The following ZBTB20 variants were observed in gnomAD, a reference collection of about 807,000 sequenced individuals.
ZBTB20 encodes the protein zinc finger and BTB domain-containing protein 20.
In ZBTB20, 9 loss-of-function variants were observed where a neutral mutation model predicts 56.9. That is an observed-to-expected ratio of 0.16 (90% confidence interval 0.10 to 0.28). The LOEUF (loss-of-function observed/expected upper bound fraction) is 0.28, where lower values mean the gene tolerates loss of function less well. Among genes scored for constraint, ZBTB20 ranks in the 10% least tolerant of loss-of-function variants. The pLI is 1.00. For synonymous variants in ZBTB20, 417 were observed against 420.7 expected (o/e 0.99, Z 0.11); for missense variants, 655 against 1,003.0 (o/e 0.65, Z 4.69).
chr3:114,343,731 CG>C (rs1435794059), intron 11 of ZBTB20, among the ~76,000 whole-genome samples: 6 of 152,186 alleles, frequency 3.9e-5, no homozygotes, highest in Non-Finnish European at 7.3e-5. Context: ...GTCTAGTCTC[CG>C]TCAAGAGACG....
At chr3:115,002,218 T>C (rs2079280697) in intron 2 of ZBTB20, among the ~76,000 whole-genome samples, 1 of 151,450 alleles carries the variant, frequency 6.6e-6, no homozygotes, top group Non-Finnish European at 1.5e-5. Flanking sequence ...ATTCACAAAA[T>C]TTAACTCAAA....
At chr3:115,044,307 A>AAAAAC (rs1453041376) in intron 2 of ZBTB20, among the ~76,000 whole-genome samples, 2 of 152,210 alleles carry the variant, frequency 1.3e-5, no homozygotes, top group African/African-American at 2.4e-5. Context: ...TTGCAGCGAG[A>AAAAAC]AAAACAAAAC....
intron 7 of ZBTB20, chr3:114,445,426 C>T (rs1576794157): frequency 6.6e-6 from 1 of 152,158 alleles, no homozygotes; most frequent in African/African-American, 2.4e-5. Flanking sequence ...CCACTGAGTT[C>T]ACTCTTACTG....
At chr3:114,747,342 G>A (rs1476261228) in intron 5 of ZBTB20, among the ~76,000 whole-genome samples, 2 of 152,136 alleles carry the variant, frequency 1.3e-5, no homozygotes, top group Admixed American at 1.3e-4. Context: ...GAGGCAGGCA[G>A]ATCACCTAAG....
intron 6 of ZBTB20, among the ~76,000 whole-genome samples, chr3:114,532,040 T>G (rs1222501980): frequency 6.6e-6 from 1 of 151,998 alleles, no homozygotes; most frequent in African/African-American, 2.4e-5. Flanking sequence ...GGCCCTGGGT[T>G]TCAAGACAAA....
intron 5 of ZBTB20, among the ~76,000 whole-genome samples, chr3:114,727,671 C>G (rs1225877050): frequency 1.3e-5 from 2 of 151,662 alleles, no homozygotes; most frequent in South Asian, 4.2e-4. Flanking sequence ...TGATGGCAGA[C>G]AAAAAACATG....
chr3:115,083,774 A>C (rs1195614830), intron 1 of ZBTB20, among the ~76,000 whole-genome samples: 1 of 152,042 alleles, frequency 6.6e-6, no homozygotes, highest in East Asian at 1.9e-4. Flanking sequence ...GATGGGCTAC[A>C]TAACAAATTC....
At chr3:114,636,049 T>C (rs1421039803) in intron 6 of ZBTB20, among the ~76,000 whole-genome samples, 1 of 152,070 alleles carries the variant, frequency 6.6e-6, no homozygotes, top group South Asian at 2.1e-4. Context: ...ACTCATCACA[T>C]TCAAAGGAGT....
chr3:114,787,368 T>TATATATACATACATAC (rs1433434685), intron 5 of ZBTB20, among the ~76,000 whole-genome samples: 2 of 106,314 alleles, frequency 1.9e-5, no homozygotes, highest in African/African-American at 9.1e-5. Flanking sequence ...TATATATATA[T>TATATATACATACATAC]ACACACACAC....
chr3:114,589,772 G>A (rs1324337751), intron 6 of ZBTB20, among the ~76,000 whole-genome samples: 1 of 152,100 alleles, frequency 6.6e-6, no homozygotes, highest in Non-Finnish European at 1.5e-5. Flanking sequence ...TTTTACCTAT[G>A]CAGCTTCAGT....
At chr3:114,525,246 T>A (rs905105936) in intron 6 of ZBTB20, among the ~76,000 whole-genome samples, 45 of 152,304 alleles carry the variant, frequency 3.0e-4, no homozygotes, top group African/African-American at 1.1e-3. Context: ...GAACATAATA[T>A]GCCCTCAATA....
chr3:114,705,512 G>T (rs2063665118), intron 5 of ZBTB20, among the ~76,000 whole-genome samples: 1 of 152,090 alleles, frequency 6.6e-6, no homozygotes, highest in African/African-American at 2.4e-5. Flanking sequence ...AAGACCACAA[G>T]AAGGCAAAGG....
At position 114,382,364 on chromosome 3, in the gene ZBTB20, A is replaced by T. The variant is rs9827363; in HGVS notation, c.-153-1424T>A. ...CTACATTAGCCTGACACTCAAGGTC[A>T]GTTCCGTATCTCTTCTAACTTTTCT... On this transcript the variant is annotated intron_variant, in intron 8 of 11. Coordinates refer to ENST00000675478, the MANE Select transcript of ZBTB20 (RefSeq NM_001348800.3). Among the ~76,000 whole-genome samples, 416 of 152,350 alleles carry T rather than the reference A, an allele frequency of 2.7e-3. 3 individuals are homozygous for T. Among genetic ancestry groups the T allele is most frequent in the African/African-American group, 9.4e-3 (392 of 41,576 alleles).
At chr3:114,711,439 C>T (rs1197896585) in intron 5 of ZBTB20, among the ~76,000 whole-genome samples, 2 of 152,194 alleles carry the variant, frequency 1.3e-5, no homozygotes, top group Non-Finnish European at 2.9e-5. Context: ...CATGGTGCAG[C>T]GGCTTCTCTG....
chr3:115,076,048 TAG>T (rs1295627151), intron 1 of ZBTB20, among the ~76,000 whole-genome samples: 1 of 151,940 alleles, frequency 6.6e-6, no homozygotes, highest in Non-Finnish European at 1.5e-5. Flanking sequence ...AAGTATAAAA[TAG>T]GAAGACAATT....
At chr3:114,588,712 A>T (rs1243005050) in intron 6 of ZBTB20, among the ~76,000 whole-genome samples, 1 of 152,142 alleles carries the variant, frequency 6.6e-6, no homozygotes, top group Non-Finnish European at 1.5e-5. Flanking sequence ...GCTCACAGTG[A>T]TCATTCAGTC....
chr3:114,324,189 G>C lies in ZBTB20; in HGVS notation c.*14816C>G, dbSNP rs1404818530. The stretch of plus-strand genomic sequence containing the variant: ...AGGAAGTAGTCTAGTTAAAATCAAG[G>C]GTATTATTTAGAAGAGGAAAACAGC... On this transcript the variant is annotated 3_prime_UTR_variant, in exon 12 of 12. Coordinates refer to ENST00000675478, the MANE Select transcript of ZBTB20 (RefSeq NM_001348800.3). 6.6e-6 allele frequency: 1 copy of C among 152,076 alleles called. No individual in the cohort carries two copies. The highest frequency in any genetic ancestry group is 1.5e-5 in the Non-Finnish European group (1 of 68,006). 9.4% of individuals were successfully genotyped at this position (152,076 alleles called of 1,614,324 possible). A position where few individuals can be genotyped will look rare whatever the true frequency, so the allele number is the denominator to read the frequency against.
At chr3:114,852,037 T>G (rs898612891) in intron 4 of ZBTB20, among the ~76,000 whole-genome samples, 4 of 152,084 alleles carry the variant, frequency 2.6e-5, no homozygotes, top group Admixed American at 6.5e-5. Context: ...AATTTTTATT[T>G]GCTTGATTTT....
chr3:114,745,133 T>C (rs2066929903), intron 5 of ZBTB20, among the ~76,000 whole-genome samples: 1 of 152,130 alleles, frequency 6.6e-6, no homozygotes, highest in African/African-American at 2.4e-5. Flanking sequence ...ATTGTGATAG[T>C]GATGGTTGTT....
Sources: allele counts gnomAD v4.1 joint callset (sites outside exome capture counted in the v4.1 genomes callset), GRCh38; gene constraint gnomAD v4.1.1; transcripts MANE v1.5; gene names NCBI Gene and HGNC (gene_info 2026-07-23, HGNC 2026-07-21).